Variants in CUX2 observed in about 807,000 individuals in gnomAD.
CUX2 encodes the protein homeobox protein cut-like 2.
In CUX2, 40 loss-of-function variants were observed where a neutral mutation model predicts 144.8. The ratio of observed to expected loss-of-function variants is 0.28; its 90% CI spans 0.21 to 0.36. The LOEUF (loss-of-function observed/expected upper bound fraction) is 0.36. Ranked by LOEUF, CUX2 falls within the 10% of genes least tolerant of loss-of-function variation. CUX2 has a pLI of 1.00. For missense variants in CUX2, 1,615 were observed against 1,994.0 expected, an observed-to-expected ratio of 0.81 and a Z score of 3.62; for synonymous variants, 827 against 875.6, an observed-to-expected ratio of 0.94 and a Z score of 0.98.
intron 4 of CUX2, among the ~76,000 whole-genome samples, chr12:111,283,849 C>T (rs372960732): frequency 3.9e-5 from 6 of 152,266 alleles, no homozygotes; most frequent in African/African-American, 1.2e-4. Flanking sequence ...GGATTACAGG[C>T]GTGAGCCATG....
intron 1 of CUX2, among the ~76,000 whole-genome samples, chr12:111,093,683 T>TG (rs1040359305): frequency 1.3e-5 from 2 of 152,050 alleles, no homozygotes; most frequent in African/African-American, 4.8e-5. Context: ...GAAGTCCCAG[T>TG]GGTTAGTTTG....
chr12:111,152,780 G>A (rs942972808), intron 1 of CUX2, among the ~76,000 whole-genome samples: 2 of 152,244 alleles, frequency 1.3e-5, no homozygotes, highest in African/African-American at 4.8e-5. Context: ...TTGGATGTGC[G>A]TGGGGGACGG....
intron 3 of CUX2, among the ~76,000 whole-genome samples, chr12:111,241,979 C>T (rs1883040855): frequency 1.3e-5 from 2 of 152,264 alleles, no homozygotes; most frequent in African/African-American, 4.8e-5. Flanking sequence ...ACCATGTTTT[C>T]TCATCCTTGC....
At chr12:111,116,071 C>A (rs1240471557) in intron 1 of CUX2, among the ~76,000 whole-genome samples, 1 of 152,208 alleles carries the variant, frequency 6.6e-6, no homozygotes, top group Non-Finnish European at 1.5e-5. Flanking sequence ...CTGCCTAAGG[C>A]TTAGTTCCTG....
chr12:111,206,429 G>A (rs986849416), intron 1 of CUX2, among the ~76,000 whole-genome samples: 6 of 152,242 alleles, frequency 3.9e-5, no homozygotes, highest in African/African-American at 1.4e-4. Flanking sequence ...TCCAGACACA[G>A]GTCAGATGGT....
chr12:111,261,670 G>A (rs1316694111), intron 3 of CUX2, among the ~76,000 whole-genome samples: 1 of 152,164 alleles, frequency 6.6e-6, no homozygotes, highest in African/African-American at 2.4e-5. Context: ...GGAGGCCGAG[G>A]TGGGCAGATC....
chr12:111,054,111 G>A (rs1057105619), intron 1 of CUX2, among the ~76,000 whole-genome samples: 1 of 152,130 alleles, frequency 6.6e-6, no homozygotes, highest in Non-Finnish European at 1.5e-5. Context: ...CCGAGATCGC[G>A]CCACTGCACT....
chr12:111,152,651 G>A (rs1435463944), intron 1 of CUX2, among the ~76,000 whole-genome samples: 1 of 152,242 alleles, frequency 6.6e-6, no homozygotes, highest in African/African-American at 2.4e-5. Flanking sequence ...CTGTTATTGG[G>A]CCTGATTCTG....
intron 1 of CUX2, among the ~76,000 whole-genome samples, chr12:111,170,454 A>AAAC: frequency 6.9e-6 from 1 of 144,736 alleles, no homozygotes; most frequent in Admixed American, 6.9e-5. Context: ...AAAAAAAAAA[A>AAAC]CTGCCCCCAC....
chr12:111,118,884 C>T (rs1874458622), intron 1 of CUX2, among the ~76,000 whole-genome samples: 7 of 152,082 alleles, frequency 4.6e-5, no homozygotes, highest in Admixed American at 4.6e-4. Flanking sequence ...CTAAGCTTTC[C>T]CACCAATGTG....
intron 1 of CUX2, among the ~76,000 whole-genome samples, chr12:111,045,952 C>T (rs892501012): frequency 2.0e-4 from 30 of 152,224 alleles, no homozygotes; most frequent in Admixed American, 1.9e-3. Flanking sequence ...TTGTCATTCA[C>T]CTCCAGGCCC....
intron 1 of CUX2, among the ~76,000 whole-genome samples, chr12:111,109,646 G>A (rs566009312): frequency 1.3e-5 from 2 of 152,286 alleles, no homozygotes; most frequent in Non-Finnish European, 2.9e-5. Flanking sequence ...CAGTCTGGGT[G>A]CTGAAAGAAC....
Position 111,035,637 on chromosome 12 carries a change from C to T in CUX2, c.63+1397C>T, listed in dbSNP as rs1405251256. On this transcript the variant is annotated intron_variant, in intron 1 of 21. Transcript: ENST00000261726. The surrounding 1 kb of genome is among the most constrained non-coding windows in gnomAD (Gnocchi z 6.0). ...ACTTTTTTTTTTTTTTTTAATCCGC[C>T]GGCAAATCTCGTTAAGTTTCTTCTG... is the stretch of plus-strand genomic sequence containing the variant. Among the ~76,000 whole-genome samples the T allele has an allele frequency of 3.5e-5, 5 of 144,382 alleles. No homozygotes were observed. Among genetic ancestry groups the T allele is most frequent in the South Asian group, 2.1e-4 (1 of 4,718 alleles). 94.7% of individuals were successfully genotyped at this position (144,382 alleles called of 152,430 possible). A position where few individuals can be genotyped will look rare whatever the true frequency, so the allele number is the denominator to read the frequency against.
intron 3 of CUX2, among the ~76,000 whole-genome samples, chr12:111,225,967 C>A (rs560995823): frequency 6.6e-6 from 1 of 152,210 alleles, no homozygotes; most frequent in Non-Finnish European, 1.5e-5. Context: ...TGTGCACACA[C>A]ATGACCCACC....
rs374936142 is a variant in CUX2, at chr12:111,291,571, C to G, written c.436+19C>G. 1 of 1,581,320 alleles carries G rather than the reference C, an allele frequency of 6.3e-7. No homozygotes were observed. Among genetic ancestry groups the G allele is most frequent in the Non-Finnish European group, 8.6e-7 (1 of 1,165,210 alleles). ...CCCAAAGGTACTGATAAGGCCTTCT[C>G]GGAGCGTCTACAATAAACAACCAGG... On this transcript the variant is annotated intron_variant, in intron 5 of 21. Transcript: ENST00000261726.
chr12:111,176,281 G>A lies in CUX2; in HGVS notation c.64-37919G>A, dbSNP rs149349737. ...AGGCTGGTCTTGAACTCCTGGCCTC[G>A]AGCAATCCTCATGCCTTGGCCTCCC... On this transcript the variant is annotated intron_variant, in intron 1 of 21. Coordinates refer to ENST00000261726, the MANE Select transcript of CUX2 (RefSeq NM_015267.4). Among the ~76,000 whole-genome samples, 729 of 151,554 alleles carry A rather than the reference G, an allele frequency of 4.8e-3. 7 individuals carry two copies. The highest frequency in any genetic ancestry group is 0.016 in the African/African-American group (659 of 41,284).
At position 111,244,074 on chromosome 12, in the gene CUX2, G is replaced by A. The variant is rs561899864; in HGVS notation, c.223-19687G>A. The stretch of plus-strand genomic sequence containing the variant: ...AGAACTGGTTGGTTTTGACTGGTCT[G>A]GGTTATTAGCTTTTTGGGTTTTTTT... On this transcript the variant is annotated intron_variant, in intron 3 of 21. Transcript: ENST00000261726. Among the ~76,000 whole-genome samples the A allele has an allele frequency of 7.5e-4, 114 of 152,152 alleles. 1 individual carries two copies. Among genetic ancestry groups the A allele is most frequent in the African/African-American group, 2.7e-3 (111 of 41,468 alleles).
intron 1 of CUX2, among the ~76,000 whole-genome samples, chr12:111,153,894 G>A (rs184089892): frequency 1.6e-4 from 24 of 152,252 alleles, no homozygotes; most frequent in Admixed American, 5.9e-4. Flanking sequence ...GATGTTGGTC[G>A]GCAGCGGCGG....
intron 3 of CUX2, among the ~76,000 whole-genome samples, chr12:111,222,367 C>T (rs1353065481): frequency 3.3e-5 from 5 of 152,180 alleles, no homozygotes; most frequent in African/African-American, 1.2e-4. Context: ...TTCTGAAGCG[C>T]GTGTGCACTG....
Sources: gnomAD v4.1 joint callset for allele counts (sites outside exome capture counted in the v4.1 genomes callset) on GRCh38, gnomAD v4.1.1 for gene constraint, Gnocchi (gnomAD v3.1) non-coding constraint, MANE v1.5 for transcripts, NCBI Gene and HGNC (gene_info 2026-07-23, HGNC 2026-07-21) for gene names.